Variants in KIAA0319L observed in about 807,000 individuals in gnomAD.
The protein encoded by KIAA0319L is dyslexia-associated protein KIAA0319-like protein.
A neutral mutation model predicts 120.1 loss-of-function variants in KIAA0319L; 55 were observed. The ratio of observed to expected loss-of-function variants is 0.46; its 90% CI spans 0.37 to 0.57. KIAA0319L has a LOEUF of 0.57. KIAA0319L is among the 20% of genes least tolerant of loss of function. The pLI is 0.00. For missense variants in KIAA0319L, 1,049 were observed against 1,255.3 expected, an observed-to-expected ratio of 0.84 and a Z score of 2.48; for synonymous variants, 398 against 471.9, an observed-to-expected ratio of 0.84 and a Z score of 2.03.
Position 35,442,314 on chromosome 1 carries a change from G to A in KIAA0319L, c.2802C>T (p.Ile934=). Residue 934 remains isoleucine, a synonymous_variant, in exon 19 of 21, where the codon ATC becomes ATT. Coordinates refer to ENST00000325722, the MANE Select transcript of KIAA0319L (RefSeq NM_024874.5). ...SNCEWSVLYV[I]IATFVIVVAL... ...CAACAACAATGACAAAGGTAGCAATGATAACATATAACACGCTCCACTCTG... is the reference window on the plus strand; with the variant it reads ...CAACAACAATGACAAAGGTAGCAATAATAACATATAACACGCTCCACTCTG... 6.2e-7 allele frequency: 1 copy of A among 1,613,762 alleles called. No homozygotes were observed. Among genetic ancestry groups the A allele is most frequent in the South Asian group, 1.1e-5 (1 of 91,076 alleles).
intron 2 of KIAA0319L, among the ~76,000 whole-genome samples, chr1:35,548,936 C>G (rs939702454): frequency 2.0e-5 from 3 of 152,182 alleles, no homozygotes; most frequent in Non-Finnish European, 2.9e-5. Context: ...CAACTCTGTT[C>G]AGGCATCAGC....
At chr1:35,477,429 A>G (rs887600139) in intron 4 of KIAA0319L, among the ~76,000 whole-genome samples, 9 of 152,186 alleles carry the variant, frequency 5.9e-5, no homozygotes, top group African/African-American at 9.6e-5. Flanking sequence ...GCACTTTGGG[A>G]GGCCAAGGCG....
intron 3 of KIAA0319L, among the ~76,000 whole-genome samples, chr1:35,492,704 A>AT (rs1353429127): frequency 2.6e-5 from 4 of 152,170 alleles, no homozygotes; most frequent in African/African-American, 9.7e-5. Flanking sequence ...ATTATTCCTG[A>AT]TAAAAACTCA....
rs763365466 is a variant in KIAA0319L, at chr1:35,451,765, C to A, written c.1925G>T (p.Gly642Val). 2 of 1,613,954 alleles carry A rather than the reference C, an allele frequency of 1.2e-6. No homozygotes were observed. Among genetic ancestry groups the A allele is most frequent in the Non-Finnish European group, 1.7e-6 (2 of 1,179,976 alleles). Reference sequence around the variant, plus strand: ...GCTGTTAGCATTCTCGAGCTGCACCCCATCAGGTCCCCTGCAAAAAAAGAA... The same window carrying A: ...GCTGTTAGCATTCTCGAGCTGCACCACATCAGGTCCCCTGCAAAAAAAGAA... ...YLWEKTQGPD[G>V]VQLENANSSV... Residue 642 changes from glycine (G) to valine (V), a missense_variant, in exon 13 of 21, where the codon GGG (glycine) becomes GTG (valine). Coordinates refer to ENST00000325722, the MANE Select transcript of KIAA0319L (RefSeq NM_024874.5).
At chr1:35,461,439 C>T (rs1179811148) in intron 8 of KIAA0319L, among the ~76,000 whole-genome samples, 2 of 151,962 alleles carry the variant, frequency 1.3e-5, no homozygotes, top group Non-Finnish European at 2.9e-5. Flanking sequence ...GCACTCCAGC[C>T]TGGGCAAGAA....
At chr1:35,513,460 T>G (rs1645557656) in intron 2 of KIAA0319L, among the ~76,000 whole-genome samples, 1 of 151,494 alleles carries the variant, frequency 6.6e-6, no homozygotes, top group African/African-American at 2.4e-5. Flanking sequence ...ACTAAAAATT[T>G]TAAAAAATCA....
At chr1:35,467,696 T>TC (rs1643361756) in intron 6 of KIAA0319L, among the ~76,000 whole-genome samples, 1 of 152,154 alleles carries the variant, frequency 6.6e-6, no homozygotes, top group East Asian at 1.9e-4. Flanking sequence ...TACAATCTTT[T>TC]TTTTTTTTTT....
chr1:35,555,123 T>C (rs1647768921), intron 1 of KIAA0319L: 1 of 152,184 alleles, frequency 6.6e-6, no homozygotes, highest in Non-Finnish European at 1.5e-5. Context: ...CGTCAGGCAC[T>C]ATGCTGGCTA....
At chr1:35,502,104 C>A (rs866971251) in intron 3 of KIAA0319L, among the ~76,000 whole-genome samples, 2 of 151,620 alleles carry the variant, frequency 1.3e-5, no homozygotes, top group Non-Finnish European at 2.9e-5. Flanking sequence ...TGGTGAAATG[C>A]CATCTCTACT....
rs755365624 is a variant in KIAA0319L, at chr1:35,448,343, T to C, written c.2354-11A>G. The C allele has an allele frequency of 3.1e-6, 5 of 1,612,450 alleles. No individual in the cohort carries two copies. Among genetic ancestry groups the C allele is most frequent in the Non-Finnish European group, 4.2e-6 (5 of 1,179,084 alleles). ...TGTTTTTCCTGGGATCTGGAAAGCA[T>C]GTGGATCAGTCATGGCTTTAGAAGT... On this transcript the variant is annotated splice_polypyrimidine_tract_variant and intron_variant, in intron 15 of 20. Coordinates refer to ENST00000325722, the MANE Select transcript of KIAA0319L (RefSeq NM_024874.5).
chr1:35,503,737 T>C (rs1645094998), intron 3 of KIAA0319L, among the ~76,000 whole-genome samples: 1 of 152,152 alleles, frequency 6.6e-6, no homozygotes, highest in African/African-American at 2.4e-5. Context: ...GGTTCATTTA[T>C]ATGTGAATTT....
intron 16 of KIAA0319L, among the ~76,000 whole-genome samples, chr1:35,445,199 G>A (rs1454343496): frequency 6.6e-6 from 1 of 152,074 alleles, no homozygotes; most frequent in African/African-American, 2.4e-5. Context: ...CCTATAAATG[G>A]TATCATTTTC....
intron 2 of KIAA0319L, among the ~76,000 whole-genome samples, chr1:35,532,392 C>A (rs935184312): frequency 6.6e-6 from 1 of 152,132 alleles, no homozygotes; most frequent in Non-Finnish European, 1.5e-5. Context: ...AAAAACAGTT[C>A]TTTTTCATCC....
rs112660309 is a variant in KIAA0319L at position 35,499,372 on chromosome 1, G to A, written c.666+7240C>T. Among the ~76,000 whole-genome samples the A allele has an allele frequency of 1.0e-3, 158 of 152,158 alleles. 1 individual carries two copies. Among genetic ancestry groups the A allele is most frequent in the African/African-American group, 3.6e-3 (151 of 41,480 alleles). On this transcript the variant is annotated intron_variant, in intron 3 of 20. Coordinates refer to ENST00000325722, the MANE Select transcript of KIAA0319L (RefSeq NM_024874.5). ...ATGGGATTAGTGCTCTTAGAAAACG[G>A]ACCAGAGAGAGTTTGTCTTCCTCTT... is the stretch of plus-strand genomic sequence containing the variant.
rs548176571 is a variant in KIAA0319L, at chr1:35,503,809, C to T, written c.666+2803G>A. Among the ~76,000 whole-genome samples, 147 of 152,108 alleles carry T rather than the reference C, an allele frequency of 9.7e-4. 1 individual carries two copies. Among genetic ancestry groups the T allele is most frequent in the South Asian group, 3.9e-3 (19 of 4,826 alleles). ...TACTCCTCTTCCTCAGCCTACTCAA[C>T]GTGAAGACAATAAGGATGCCTATAA... On this transcript the variant is annotated intron_variant, in intron 3 of 20. Coordinates refer to ENST00000325722, the MANE Select transcript of KIAA0319L (RefSeq NM_024874.5).
intron 2 of KIAA0319L, among the ~76,000 whole-genome samples, chr1:35,517,718 A>C (rs1288799615): frequency 6.6e-6 from 1 of 152,230 alleles, no homozygotes; most frequent in African/African-American, 2.4e-5. Context: ...AAAATTGACA[A>C]ATGGGATCTA....
In KIAA0319L at chr1:35,557,295, T is replaced by C; in HGVS notation, c.-117A>G. 1 of 219,218 alleles carries C rather than the reference T, an allele frequency of 4.6e-6. No individual in the cohort carries two copies. Among genetic ancestry groups the C allele is most frequent in the South Asian group, 4.4e-5 (1 of 22,674 alleles). The allele number at this position is 219,218 out of a possible 1,614,324, so 13.6% of individuals were successfully genotyped here. ...GGGCTCGGGGACCCCCAACCTTCGC[T>C]CCCCTCACCCGGAGGAGGAGGAGGA... On this transcript the variant is annotated 5_prime_UTR_variant, in exon 1 of 21. Transcript: ENST00000325722.
intron 16 of KIAA0319L, among the ~76,000 whole-genome samples, chr1:35,446,609 C>G (rs1408433376): frequency 6.6e-6 from 1 of 152,214 alleles, no homozygotes; most frequent in Non-Finnish European, 1.5e-5. Context: ...CCTGTAGCAT[C>G]TGAATCCTTT....
intron 2 of KIAA0319L, among the ~76,000 whole-genome samples, chr1:35,544,960 A>G (rs1199338271): frequency 6.6e-6 from 1 of 152,194 alleles, no homozygotes; most frequent in African/African-American, 2.4e-5. Flanking sequence ...TGACATAGGA[A>G]GCCGGAACCC....
Sources: gnomAD v4.1 joint callset for allele counts (sites outside exome capture counted in the v4.1 genomes callset) on GRCh38, gnomAD v4.1.1 for gene constraint, MANE v1.5 for transcripts, NCBI Gene and HGNC (gene_info 2026-07-23, HGNC 2026-07-21) for gene names.